The following PACRG variants were observed in gnomAD, a reference collection of about 807,000 sequenced individuals.
PACRG encodes the protein parkin coregulated gene protein.
In PACRG, 29 loss-of-function variants were observed where a neutral mutation model predicts 29.7. The observed-to-expected ratio is 0.98, with a 90% CI of 0.73 to 1.33. PACRG has a LOEUF of 1.33. Among genes scored for constraint, PACRG ranks in the 40% most tolerant of loss-of-function variants. The pLI is 0.00. For synonymous variants in PACRG, 116 were observed against 118.7 expected, an observed-to-expected ratio of 0.98 and a Z score of 0.15; for missense variants, 279 against 316.2, an observed-to-expected ratio of 0.88 and a Z score of 0.89.
intron 4 of PACRG, among the ~76,000 whole-genome samples, chr6:163,146,363 T>C (rs998503449): frequency 1.3e-5 from 2 of 152,190 alleles, no homozygotes; most frequent in Non-Finnish European, 2.9e-5. Flanking sequence ...AGAAGTCAAG[T>C]TGATCATCTG....
chr6:163,060,283 C>G (rs895335162), intron 2 of PACRG, among the ~76,000 whole-genome samples: 1 of 151,734 alleles, frequency 6.6e-6, no homozygotes, highest in Non-Finnish European at 1.5e-5. Context: ...GCAAAACATA[C>G]CAAAAATGTT....
intron 4 of PACRG, among the ~76,000 whole-genome samples, chr6:163,278,032 G>A (rs1401767452): frequency 6.6e-6 from 1 of 151,892 alleles, no homozygotes; most frequent in Non-Finnish European, 1.5e-5. Flanking sequence ...GACCATTCTT[G>A]CAGGAGTGAG....
At chr6:163,100,519 C>T (rs984477389) in intron 4 of PACRG, among the ~76,000 whole-genome samples, 2 of 152,140 alleles carry the variant, frequency 1.3e-5, no homozygotes, top group African/African-American at 4.8e-5. Flanking sequence ...AAGGCACGTC[C>T]CGCTGTCCCC....
At chr6:162,852,150 A>G (rs532401052) in intron 2 of PACRG, among the ~76,000 whole-genome samples, 68 of 152,344 alleles carry the variant, frequency 4.5e-4, no homozygotes, top group African/African-American at 1.6e-3. Flanking sequence ...AATCTGAACC[A>G]TGATGACTCT....
At chr6:163,223,341 C>A (rs1393142872) in intron 4 of PACRG, among the ~76,000 whole-genome samples, 1 of 152,046 alleles carries the variant, frequency 6.6e-6, no homozygotes, top group Non-Finnish European at 1.5e-5. Flanking sequence ...TTGCAGTAAG[C>A]CGAGATTGCG....
chr6:163,241,369 C>G (rs1362651025), intron 4 of PACRG, among the ~76,000 whole-genome samples: 1 of 152,152 alleles, frequency 6.6e-6, no homozygotes, highest in Non-Finnish European at 1.5e-5. Context: ...ATGGCAGGTT[C>G]AATTACAAAG....
At chr6:162,839,437 GTTGT>G (rs1171897193) in intron 2 of PACRG, among the ~76,000 whole-genome samples, 1 of 142,762 alleles carries the variant, frequency 7.0e-6, no homozygotes, top group Non-Finnish European at 1.5e-5. Context: ...TTTTGATGGG[GTTGT>G]TTGTTTTTTT....
chr6:163,192,945 T>C (rs1207877573), intron 4 of PACRG, among the ~76,000 whole-genome samples: 1 of 152,200 alleles, frequency 6.6e-6, no homozygotes, highest in Non-Finnish European at 1.5e-5. Context: ...AAATGCCCGA[T>C]ACTTCTTACC....
At chr6:162,820,488 C>T (rs1239285122) in intron 2 of PACRG, among the ~76,000 whole-genome samples, 1 of 152,082 alleles carries the variant, frequency 6.6e-6, no homozygotes, top group Non-Finnish European at 1.5e-5. Flanking sequence ...GAGGATAGCT[C>T]ATTATCTGTA....
intron 2 of PACRG, among the ~76,000 whole-genome samples, chr6:162,893,485 A>G (rs1327334405): frequency 6.6e-6 from 1 of 152,180 alleles, no homozygotes; most frequent in African/African-American, 2.4e-5. Context: ...CTCAGTTCAC[A>G]CTGGTCCCAA....
intron 2 of PACRG, among the ~76,000 whole-genome samples, chr6:162,933,601 C>CTTTTTTTTTTTTTTTTTTTTTTTTTT (rs71008119): frequency 1.3e-5 from 1 of 74,608 alleles, no homozygotes; most frequent in Non-Finnish European, 2.4e-5. Flanking sequence ...CTTTCTGTAT[C>CTTTTTTTTTTTTTTTTTTTTTTTTTT]TTTTTTTTTT....
chr6:162,989,823 G>A (rs188796931), intron 2 of PACRG, among the ~76,000 whole-genome samples: 1,922 of 150,318 alleles, frequency 0.013, 39 homozygotes, highest in African/African-American at 0.043. Context: ...GTGCCATGCT[G>A]GTGCGCTGCA....
intron 2 of PACRG, among the ~76,000 whole-genome samples, chr6:162,888,303 G>C (rs6937725): frequency 0.7 from 105,953 of 151,904 alleles, 38,307 homozygotes; most frequent in African/African-American, 0.9. Context: ...GACAAAAGTC[G>C]ATTTGGGTCC....
chr6:163,125,257 T>C (rs1816469665), intron 4 of PACRG, among the ~76,000 whole-genome samples: 1 of 152,156 alleles, frequency 6.6e-6, no homozygotes, highest in East Asian at 1.9e-4. Flanking sequence ...CTTTTAAGGA[T>C]GTTTAAAGAT....
At chr6:162,944,657 T>C (rs183782642) in intron 2 of PACRG, among the ~76,000 whole-genome samples, 7 of 152,216 alleles carry the variant, frequency 4.6e-5, no homozygotes, top group African/African-American at 1.4e-4. Context: ...ATTCTGGAAC[T>C]GAACAATTTA....
chr6:163,139,244 G>A (rs972209828), intron 4 of PACRG, among the ~76,000 whole-genome samples: 10 of 152,324 alleles, frequency 6.6e-5, no homozygotes, highest in African/African-American at 1.7e-4. Context: ...ATTGCCTCCC[G>A]CTCTTCTGTG....
chr6:162,908,375 C>A (rs1274089131), intron 2 of PACRG, among the ~76,000 whole-genome samples: 1 of 152,182 alleles, frequency 6.6e-6, no homozygotes, highest in Admixed American at 6.5e-5. Flanking sequence ...TAAAGAAGCC[C>A]AACCTAGCCT....
At chr6:162,946,524 G>A (rs1034380045) in intron 2 of PACRG, among the ~76,000 whole-genome samples, 1 of 151,992 alleles carries the variant, frequency 6.6e-6, no homozygotes, top group Non-Finnish European at 1.5e-5. Context: ...GCAAAGTTCT[G>A]CACCTGAGGC....
intron 4 of PACRG, among the ~76,000 whole-genome samples, chr6:163,311,952 T>G (rs1785435558): frequency 6.8e-6 from 1 of 147,444 alleles, no homozygotes; most frequent in South Asian, 2.1e-4. Flanking sequence ...AAAATATGTC[T>G]GTCTCCTGGT....
Sources: allele counts gnomAD v4.1 joint callset (sites outside exome capture counted in the v4.1 genomes callset), GRCh38; gene constraint gnomAD v4.1.1; transcripts MANE v1.5; gene names NCBI Gene and HGNC (gene_info 2026-07-23, HGNC 2026-07-21).